Variants in SLC4A10 observed in about 807,000 individuals in gnomAD.
The protein encoded by SLC4A10 is solute carrier family 4 member 10, also known as sodium-driven chloride bicarbonate exchanger.
SLC4A10 carries 42 observed loss-of-function variants against 137.7 expected under a neutral mutation model. That is an observed-to-expected ratio of 0.30 (90% confidence interval 0.24 to 0.39). The LOEUF (loss-of-function observed/expected upper bound fraction) is 0.39, where lower values mean the gene tolerates loss of function less well. Among genes scored for constraint, SLC4A10 ranks in the 10% least tolerant of loss-of-function variants. The pLI, the probability that SLC4A10 is intolerant of heterozygous loss-of-function variation, is 1.00. For synonymous variants in SLC4A10, 474 were observed against 464.1 expected, an observed-to-expected ratio of 1.02 and a Z score of -0.27; for missense variants, 925 against 1,355.0, an observed-to-expected ratio of 0.68 and a Z score of 4.98.
intron 10 of SLC4A10, among the ~76,000 whole-genome samples, chr2:161,887,067 T>A (rs927209772): frequency 6.6e-6 from 1 of 152,130 alleles, no homozygotes; most frequent in African/African-American, 2.4e-5. Context: ...CTGTGTTAGT[T>A]TGCTGAGAGT....
intron 4 of SLC4A10, among the ~76,000 whole-genome samples, chr2:161,854,404 T>A (rs945063814): frequency 6.6e-6 from 1 of 152,130 alleles, no homozygotes; most frequent in Non-Finnish European, 1.5e-5. Context: ...AGGGATGGGG[T>A]CTGAGCTCAA....
At chr2:161,852,120 T>C (rs1175932249) in intron 4 of SLC4A10, among the ~76,000 whole-genome samples, 2 of 152,158 alleles carry the variant, frequency 1.3e-5, no homozygotes, top group Non-Finnish European at 2.9e-5. Flanking sequence ...TTACAACATT[T>C]TAGAATCAAT....
chr2:161,898,684 C>T (rs929719004), intron 11 of SLC4A10, among the ~76,000 whole-genome samples: 9 of 152,136 alleles, frequency 5.9e-5, no homozygotes, highest in African/African-American at 1.7e-4. Context: ...ATTAAAATCA[C>T]TCCCTTTTGT....
intron 1 of SLC4A10, among the ~76,000 whole-genome samples, chr2:161,726,219 TAGTA>T (rs1249386656): frequency 2.6e-5 from 4 of 152,160 alleles, no homozygotes; most frequent in Admixed American, 1.3e-4. Context: ...TGAATAATAA[TAGTA>T]AGAGTAACTA....
intron 1 of SLC4A10, among the ~76,000 whole-genome samples, chr2:161,688,083 T>C (rs2041625364): frequency 6.6e-6 from 1 of 152,210 alleles, no homozygotes; most frequent in African/African-American, 2.4e-5. Flanking sequence ...AAATATGTTT[T>C]ATTCAGTGAT....
chr2:161,648,874 C>T (rs1216852848), intron 1 of SLC4A10, among the ~76,000 whole-genome samples: 1 of 152,000 alleles, frequency 6.6e-6, no homozygotes, highest in Non-Finnish European at 1.5e-5. Flanking sequence ...GCATTTAGGT[C>T]AGTTGTTTTT....
At chr2:161,777,036 G>T (rs1456064701) in intron 2 of SLC4A10, among the ~76,000 whole-genome samples, 1 of 151,174 alleles carries the variant, frequency 6.6e-6, no homozygotes, top group African/African-American at 2.4e-5. Context: ...CAAGTCCTTT[G>T]TCTATTTTTT....
chr2:161,708,680 A>AT, intron 1 of SLC4A10: 1 of 1,503,316 alleles, frequency 6.7e-7, no homozygotes, highest in South Asian at 1.3e-5. Context: ...GTTGTTTGAT[A>AT]TTTTTTTCAC....
intron 1 of SLC4A10, among the ~76,000 whole-genome samples, chr2:161,640,896 G>T (rs1003285908): frequency 4.6e-5 from 7 of 152,034 alleles, no homozygotes; most frequent in Non-Finnish European, 1.5e-5. Context: ...ATTTAATTTA[G>T]TTTACCAGTA....
At chr2:161,698,634 G>A (rs2042797833) in intron 1 of SLC4A10, among the ~76,000 whole-genome samples, 1 of 152,188 alleles carries the variant, frequency 6.6e-6, no homozygotes, top group African/African-American at 2.4e-5. Flanking sequence ...TATTGAACCA[G>A]CCTTGCCTCC....
chr2:161,776,678 A>C (rs1400374694), intron 2 of SLC4A10, among the ~76,000 whole-genome samples: 5 of 151,842 alleles, frequency 3.3e-5, no homozygotes, highest in Admixed American at 6.6e-5. Flanking sequence ...TCTCTTTGAG[A>C]TCTTGTTTGC....
At chr2:161,694,718 C>T (rs966825463) in intron 1 of SLC4A10, among the ~76,000 whole-genome samples, 3 of 151,960 alleles carry the variant, frequency 2.0e-5, no homozygotes, top group African/African-American at 4.8e-5. Flanking sequence ...TTAAAACAGG[C>T]TTTAAACCTT....
intron 1 of SLC4A10, among the ~76,000 whole-genome samples, chr2:161,658,057 AT>A (rs149091773): frequency 3.9e-5 from 6 of 151,968 alleles, no homozygotes; most frequent in African/African-American, 1.5e-4. Flanking sequence ...TTTATCACTT[AT>A]TTTTTTCTTT....
chr2:161,922,202 T>C (rs956345899), intron 15 of SLC4A10, among the ~76,000 whole-genome samples: 5 of 152,116 alleles, frequency 3.3e-5, no homozygotes, highest in African/African-American at 1.2e-4. Flanking sequence ...TGAAGATAAA[T>C]TTGAGATGAG....
At chr2:161,875,349 T>C (rs1363357119) in intron 8 of SLC4A10, among the ~76,000 whole-genome samples, 2 of 152,152 alleles carry the variant, frequency 1.3e-5, no homozygotes, top group Non-Finnish European at 2.9e-5. Flanking sequence ...AATATACAGA[T>C]TCCAAAACCC....
intron 1 of SLC4A10, among the ~76,000 whole-genome samples, chr2:161,732,252 G>C (rs1301232145): frequency 6.6e-6 from 1 of 152,170 alleles, no homozygotes; most frequent in Non-Finnish European, 1.5e-5. Context: ...GGGTGGAGCT[G>C]AAAGTCCAAC....
At chr2:161,713,059 A>T (rs1196531178) in intron 1 of SLC4A10, among the ~76,000 whole-genome samples, 2 of 151,848 alleles carry the variant, frequency 1.3e-5, no homozygotes, top group Non-Finnish European at 2.9e-5. Context: ...TGGCCAACAT[A>T]GAGAGAAAAG....
At chr2:161,656,582 T>A (rs1187776574) in intron 1 of SLC4A10, among the ~76,000 whole-genome samples, 1 of 152,182 alleles carries the variant, frequency 6.6e-6, no homozygotes, top group Non-Finnish European at 1.5e-5. Flanking sequence ...ACTTTGAAAC[T>A]GTATTCTAAT....
chr2:161,837,949 T>A (rs984955728), intron 3 of SLC4A10, among the ~76,000 whole-genome samples: 1 of 152,098 alleles, frequency 6.6e-6, no homozygotes, highest in African/African-American at 2.4e-5. Flanking sequence ...AAAACAGCAG[T>A]TTGCAACCCA....
Sources: gnomAD v4.1 joint callset for allele counts (sites outside exome capture counted in the v4.1 genomes callset) on GRCh38, gnomAD v4.1.1 for gene constraint, MANE v1.5 for transcripts, NCBI Gene and HGNC (gene_info 2026-07-23, HGNC 2026-07-21) for gene names.